SORL1: variants seen among roughly 807,000 people sequenced by gnomAD.
The protein encoded by SORL1 is sortilin-related receptor.
Under a neutral mutation model 273.7 loss-of-function variants are expected in SORL1, and 127 were observed. The ratio of observed to expected loss-of-function variants is 0.46; its 90% confidence interval spans 0.40 to 0.54. SORL1 has a LOEUF of 0.54. Among genes scored for constraint, SORL1 ranks in the 20% least tolerant of loss-of-function variants. SORL1 has a pLI of 0.00. For missense variants in SORL1, 2,494 were observed against 2,846.1 expected (o/e 0.88, Z 2.81); for synonymous variants, 1,031 against 1,067.4 (o/e 0.97, Z 0.66).
At chr11:121,522,787 A>G (rs1271737524) in intron 10 of SORL1, 84 bp downstream of exon 10, 3 of 1,357,736 alleles carry the variant, frequency 2.2e-6, no homozygotes, top group African/African-American at 2.9e-5. Context: ...CCACACCTCC[A>G]GCAGTAACCA....
intron 12 of SORL1, among the ~76,000 whole-genome samples, chr11:121,537,246 T>C (rs11820794): frequency 0.05 from 7,547 of 152,158 alleles, 274 homozygotes; most frequent in African/African-American, 0.098. Context: ...AGATTAAAGT[T>C]TGCTTTGAGG....
At chr11:121,541,493 T>TCTG (rs1233170241) in intron 12 of SORL1, among the ~76,000 whole-genome samples, 9 of 152,176 alleles carry the variant, frequency 5.9e-5, no homozygotes, top group Non-Finnish European at 1.0e-4. Context: ...TACAGGCATG[T>TCTG]GCCACCACGC....
rs1862648060 is a variant in SORL1 at position 121,560,051 on chromosome 11, G to A, written c.3049+394G>A. Among the ~76,000 whole-genome samples the A allele has an allele frequency of 2.0e-5, 3 of 152,332 alleles. No individual in the cohort carries two copies. The South Asian group carries it at 6.2e-4, about 32-fold the overall frequency. On this transcript the variant is annotated intron_variant, in intron 21 of 47. Coordinates refer to ENST00000260197, the MANE Select transcript of SORL1 (RefSeq NM_003105.6). ...TTGTTGCTTCCTGACAGGGCCTCTT[G>A]CTTGTTCTCTGGTTGCCCAGATGAC...
At chr11:121,458,722 T>C (rs1382249929) in intron 1 of SORL1, among the ~76,000 whole-genome samples, 1 of 152,214 alleles carries the variant, frequency 6.6e-6, no homozygotes, top group Non-Finnish European at 1.5e-5. Context: ...TTCGAAGAAG[T>C]GGCATGGGCG....
rs759779568 is a variant in SORL1, at chr11:121,629,559, C to A, written c.6641C>A (p.Ala2214Asp). ...TCAGATGACGTCCCCATGGTGATAG[C>A]CTGAAAGAGCTTTCCTCACTAGAAA... ...GFSDDVPMVI[A>D] Residue 2214 changes from alanine to aspartate, a missense_variant, in exon 48 of 48, where the codon GCC (alanine) becomes GAC (aspartate). By Grantham distance (126) the Ala-to-Asp change is moderately radical. Coordinates refer to ENST00000260197, the MANE Select transcript of SORL1 (RefSeq NM_003105.6). 1 of 1,497,572 alleles carries A rather than the reference C, an allele frequency of 6.7e-7. No individual in the cohort carries two copies. The highest frequency in any genetic ancestry group is 9.3e-7 in the Non-Finnish European group (1 of 1,073,728). The allele number at this position is 1,497,572 out of a possible 1,614,324, so 92.8% of individuals were successfully genotyped here.
At chr11:121,590,749 T>C in intron 30 of SORL1, 1 of 706,444 alleles carries the variant, frequency 1.4e-6, no homozygotes, top group Non-Finnish European at 2.6e-6. Context: ...AAAGCAAACT[T>C]ATCTGAATAT....
At chr11:121,555,523 G>A (rs1327688229) in intron 18 of SORL1, among the ~76,000 whole-genome samples, 2 of 151,994 alleles carry the variant, frequency 1.3e-5, no homozygotes, top group Non-Finnish European at 2.9e-5. Flanking sequence ...GCTAGCAGAA[G>A]CTTAGCTAAT....
At chr11:121,475,025 C>A (rs556329278) in intron 2 of SORL1, among the ~76,000 whole-genome samples, 1 of 152,238 alleles carries the variant, frequency 6.6e-6, no homozygotes, top group Middle Eastern at 3.4e-3. Context: ...GGAAAGCTGA[C>A]GTGCGTAGAT....
In SORL1 at chr11:121,567,025, T is replaced by A; in HGVS notation, c.3135T>A (p.Asp1045Glu). ...NNSRSCRCPE[D>E]VSSSVLPSGD... ...GTAGAAGCTGCAGGTGTCCAGAGGATGTGTCCAGCAGTGTGCTTCCATCAG... is the reference window on the plus strand; with the variant it reads ...GTAGAAGCTGCAGGTGTCCAGAGGAAGTGTCCAGCAGTGTGCTTCCATCAG... The change falls in exon 22 of 48, where the codon GAT becomes GAA. Residue 1045 changes from aspartate to glutamate, a missense_variant. This residue lies in a region of SORL1 where 1,609 missense variants were observed against 1,816.4 expected (regional missense o/e 0.89). Coordinates refer to ENST00000260197, the MANE Select transcript of SORL1 (RefSeq NM_003105.6). The A allele has an allele frequency of 6.2e-7, 1 of 1,614,200 alleles. No individual in the cohort carries two copies. The highest frequency in any genetic ancestry group is 1.3e-5 in the African/African-American group (1 of 75,072).
At chr11:121,588,790 G>A (rs1356070426) in intron 28 of SORL1, among the ~76,000 whole-genome samples, 1 of 152,136 alleles carries the variant, frequency 6.6e-6, no homozygotes, top group East Asian at 1.9e-4. Flanking sequence ...TTCCTCCGAG[G>A]CCTCTCTCCC....
rs1177278345 is a variant in SORL1, at chr11:121,452,787, T to C, written c.285+171T>C. 4 of 535,698 alleles carry C rather than the reference T, an allele frequency of 7.5e-6. No homozygotes were observed. Among genetic ancestry groups the C allele is most frequent in the Non-Finnish European group, 1.2e-5 (4 of 323,698 alleles). 33.2% of individuals were successfully genotyped at this position (535,698 alleles called of 1,614,324 possible). ...ACAACCGTCAGCACTTGAATCGCATTGATCTTTCCTTCTTCCTGTCGATTT... is the reference window on the plus strand; with the variant it reads ...ACAACCGTCAGCACTTGAATCGCATCGATCTTTCCTTCTTCCTGTCGATTT... On this transcript the variant is annotated intron_variant, in intron 1 of 47. Coordinates refer to ENST00000260197, the MANE Select transcript of SORL1 (RefSeq NM_003105.6). The surrounding 1 kb of genome is among the most constrained non-coding windows in gnomAD (Gnocchi z 5.3).
intron 7 of SORL1, 27 bp from the exon 8 acceptor site, chr11:121,514,125 T>A: frequency 6.2e-7 from 1 of 1,605,916 alleles, no homozygotes; most frequent in Non-Finnish European, 8.5e-7. Flanking sequence ...TTTTTTGACG[T>A]ATCTTTTTTG....
chr11:121,454,974 A>C (rs1860879519), intron 1 of SORL1, among the ~76,000 whole-genome samples: 1 of 152,138 alleles, frequency 6.6e-6, no homozygotes, highest in Non-Finnish European at 1.5e-5. Context: ...AATAAATTAT[A>C]TGGTCCTACT....
intron 39 of SORL1, 119 bp downstream of exon 39, chr11:121,611,277 G>A (rs949354325): frequency 1.9e-5 from 13 of 680,694 alleles, no homozygotes; most frequent in Middle Eastern, 5.1e-4. Flanking sequence ...AAAACGAACG[G>A]CTAGATCTAG....
At chr11:121,575,018 A>G (rs1417315290) in intron 24 of SORL1, among the ~76,000 whole-genome samples, 1 of 152,136 alleles carries the variant, frequency 6.6e-6, no homozygotes, top group Non-Finnish European at 1.5e-5. Flanking sequence ...TGGTATAGGC[A>G]TTGAGTGAGC....
rs60750170 is a variant in SORL1 at position 121,454,646 on chromosome 11, C to G, written c.285+2030C>G. On this transcript the variant is annotated intron_variant, in intron 1 of 47. Coordinates refer to ENST00000260197, the MANE Select transcript of SORL1 (RefSeq NM_003105.6). ...TCCTATGCCATTGTTGCCTCTTGCT[C>G]TGAGGTTAATAAGAAGTGGAATTAA... 8.3e-3 allele frequency among the ~76,000 whole-genome samples: 1,262 copies of G among 152,272 alleles called. 22 individuals carry two copies. The highest frequency in any genetic ancestry group is 0.027 in the African/African-American group (1,126 of 41,548).
Position 121,554,225 on chromosome 11 carries a change from C to T in SORL1, c.2439+116C>T, listed in dbSNP as rs1862545311. On this transcript the variant is annotated intron_variant, in intron 17 of 47. Transcript: ENST00000260197. The surrounding 1 kb of genome is among the most constrained non-coding windows in gnomAD (Gnocchi z 4.6). ...CAGTTAGAAGTTTGTAAGTGTTACT[C>T]ATCTCAGGGCTGACAGGTGAAAGTT... The T allele has an allele frequency of 3.5e-6, 3 of 849,188 alleles. No individual in the cohort carries two copies. The Admixed American group carries it at 8.9e-5, about 25-fold the overall frequency. 52.6% of individuals were successfully genotyped at this position (849,188 alleles called of 1,614,324 possible).
At chr11:121,547,927 A>G (rs571152013) in intron 14 of SORL1, among the ~76,000 whole-genome samples, 1 of 152,268 alleles carries the variant, frequency 6.6e-6, no homozygotes, top group East Asian at 1.9e-4. Context: ...ACACCAGGTT[A>G]TTTCTGATAG....
At chr11:121,593,250 T>C (rs182812501) in intron 31 of SORL1, among the ~76,000 whole-genome samples, 19 of 152,346 alleles carry the variant, frequency 1.2e-4, no homozygotes, top group Admixed American at 5.9e-4. Flanking sequence ...TTCTGAGATA[T>C]AGGGAAAGCC....
Sources: gnomAD v4.1 joint callset for allele counts (sites outside exome capture counted in the v4.1 genomes callset) on GRCh38, gnomAD v4.1.1 for gene constraint, gnomAD v4.1.1 regional missense constraint, Gnocchi (gnomAD v3.1) non-coding constraint, MANE v1.5 for transcripts, NCBI Gene and HGNC (gene_info 2026-07-23, HGNC 2026-07-21) for gene names.